Variants in OTUD7A observed in about 807,000 individuals in gnomAD.
OTUD7A encodes the protein OTU domain-containing protein 7A.
Under a neutral mutation model 65.7 loss-of-function variants are expected in OTUD7A, and 12 were observed. That is an observed-to-expected ratio of 0.18 (90% CI 0.12 to 0.30). The LOEUF (loss-of-function observed/expected upper bound fraction) is 0.30, where lower values mean the gene tolerates loss of function less well. Among genes scored for constraint, OTUD7A ranks in the 10% least tolerant of loss-of-function variants. The probability of loss-of-function intolerance (pLI) is 1.00; values close to 1 mark genes in which losing one functional copy is unlikely to be tolerated. For synonymous variants in OTUD7A, 641 were observed against 586.3 expected (o/e 1.09, Z -1.35); for missense variants, 1,148 against 1,304.8 (o/e 0.88, Z 1.85).
At chr15:31,735,708 G>A (rs72709339) in intron 1 of OTUD7A, among the ~76,000 whole-genome samples, 17,715 of 152,094 alleles carry the variant, frequency 0.12, 1,409 homozygotes, top group East Asian at 0.43. Flanking sequence ...CCCCATTACT[G>A]GGTATATACC....
chr15:31,652,536 C>A (rs1446824773), intron 3 of OTUD7A, among the ~76,000 whole-genome samples: 1 of 152,122 alleles, frequency 6.6e-6, no homozygotes, highest in East Asian at 1.9e-4. Flanking sequence ...TGTTAAGAGA[C>A]TGAAAAGTCA....
chr15:31,627,501 T>G (rs1257907359), intron 3 of OTUD7A, among the ~76,000 whole-genome samples: 1 of 152,054 alleles, frequency 6.6e-6, no homozygotes, highest in East Asian at 1.9e-4. Context: ...TGTTGGACAT[T>G]TGGGTTGGTT....
chr15:31,784,739 G>A (rs1895627768), intron 1 of OTUD7A, among the ~76,000 whole-genome samples: 1 of 152,184 alleles, frequency 6.6e-6, no homozygotes, highest in African/African-American at 2.4e-5. Context: ...AAGAGAAGGA[G>A]GGCATTCCAA....
chr15:31,567,916 AT>A (rs1888927770), intron 4 of OTUD7A, among the ~76,000 whole-genome samples: 1 of 152,272 alleles, frequency 6.6e-6, no homozygotes, highest in African/African-American at 2.4e-5. Flanking sequence ...GCAAGAGTGA[AT>A]GAGGTTTGGC....
chr15:31,679,735 T>A (rs1418808354), intron 1 of OTUD7A, among the ~76,000 whole-genome samples: 1 of 152,222 alleles, frequency 6.6e-6, no homozygotes, highest in African/African-American at 2.4e-5. Flanking sequence ...CTTTCCTTTA[T>A]AAATTACCCA....
chr15:31,727,133 C>T (rs1213197453), intron 1 of OTUD7A, among the ~76,000 whole-genome samples: 1 of 152,180 alleles, frequency 6.6e-6, no homozygotes, highest in Non-Finnish European at 1.5e-5. Context: ...AATCCATCAC[C>T]CCATCATGTC....
intron 3 of OTUD7A, among the ~76,000 whole-genome samples, chr15:31,616,088 T>A (rs1321583080): frequency 6.6e-6 from 1 of 152,236 alleles, no homozygotes; most frequent in Non-Finnish European, 1.5e-5. Context: ...GTGAAACCTC[T>A]TAGCTGCAGC....
rs567818246 is a variant in OTUD7A at position 31,842,803 on chromosome 15, T to C, written c.-100+27704A>G. ...ATGTCTCTCATGACTTAAGCCATAGTAGAACAGAAGAAAATCCCAAATCCA... is the reference window on the plus strand; with the variant it reads ...ATGTCTCTCATGACTTAAGCCATAGCAGAACAGAAGAAAATCCCAAATCCA... On this transcript the variant is annotated intron_variant, in intron 1 of 12. Coordinates refer to ENST00000307050, the MANE Select transcript of OTUD7A (RefSeq NM_001382637.1). Among the ~76,000 whole-genome samples, 150 of 152,266 alleles carry C rather than the reference T, an allele frequency of 9.9e-4. 2 individuals carry two copies. In the Middle Eastern group the frequency reaches 0.01, roughly 10 times the overall value.
intron 3 of OTUD7A, among the ~76,000 whole-genome samples, chr15:31,625,092 T>C (rs976625830): frequency 6.6e-6 from 1 of 152,216 alleles, no homozygotes; most frequent in African/African-American, 2.4e-5. Flanking sequence ...AGTCAACTGA[T>C]GCTTTACAAG....
chr15:31,529,977 C>T lies in OTUD7A; in HGVS notation c.652+730G>A, dbSNP rs535294319. On this transcript the variant is annotated intron_variant, in intron 6 of 12. Transcript: ENST00000307050. The stretch of plus-strand genomic sequence containing the variant: ...AATGGATTCAGCCTTGTGCATATAA[C>T]GCTGGGCCTAAAGGGATAACTGAGG... Among the ~76,000 whole-genome samples the T allele has an allele frequency of 2.0e-5, 3 of 152,304 alleles. No individual in the cohort carries two copies. In the South Asian group the frequency reaches 6.2e-4, roughly 32 times the overall value.
chr15:31,743,153 T>G (rs1176505466), intron 1 of OTUD7A, among the ~76,000 whole-genome samples: 1 of 152,042 alleles, frequency 6.6e-6, no homozygotes, highest in Non-Finnish European at 1.5e-5. Flanking sequence ...AATATAATTT[T>G]TTTCAAGTGC....
intron 1 of OTUD7A, among the ~76,000 whole-genome samples, chr15:31,788,277 C>A (rs1466995071): frequency 1.3e-5 from 2 of 152,132 alleles, no homozygotes; most frequent in Non-Finnish European, 2.9e-5. Flanking sequence ...TGCCAAAGGA[C>A]TCTTTGGGCT....
intron 1 of OTUD7A, among the ~76,000 whole-genome samples, chr15:31,774,354 G>A (rs569113156): frequency 1.3e-4 from 20 of 152,236 alleles, no homozygotes; most frequent in South Asian, 1.0e-3. Context: ...GCCTCCTGCC[G>A]GCTCTTCATG....
At chr15:31,709,293 C>A (rs1347358314) in intron 1 of OTUD7A, among the ~76,000 whole-genome samples, 1 of 152,166 alleles carries the variant, frequency 6.6e-6, no homozygotes, top group Non-Finnish European at 1.5e-5. Context: ...GGGGCATGAG[C>A]ACTCACAGGA....
chr15:31,597,957 G>GT (rs1043347811), intron 3 of OTUD7A, among the ~76,000 whole-genome samples: 1 of 152,128 alleles, frequency 6.6e-6, no homozygotes, highest in African/African-American at 2.4e-5. Context: ...GAACTTTCGA[G>GT]TTTTCAGACA....
intron 1 of OTUD7A, among the ~76,000 whole-genome samples, chr15:31,811,857 C>G (rs1372383661): frequency 2.0e-5 from 3 of 152,204 alleles, no homozygotes; most frequent in Non-Finnish European, 4.4e-5. Context: ...TCCTATCAGC[C>G]TTTCAGAGCT....
chr15:31,583,164 T>A lies in OTUD7A; in HGVS notation c.152-12967A>T, dbSNP rs117101187. On this transcript the variant is annotated intron_variant, in intron 3 of 12. Transcript: ENST00000307050. Reference sequence around the variant, plus strand: ...TCTGCACCACCACTGCCTTTCTCCATCCCTGCAGCACTGCAGGAGAGAAGC... The same window carrying A: ...TCTGCACCACCACTGCCTTTCTCCAACCCTGCAGCACTGCAGGAGAGAAGC... Among the ~76,000 whole-genome samples the A allele has an allele frequency of 8.0e-4, 122 of 152,334 alleles. No homozygotes were observed. The East Asian group carries it at 0.021, about 27-fold the overall frequency.
chr15:31,825,602 C>A (rs1896779482), intron 1 of OTUD7A, among the ~76,000 whole-genome samples: 1 of 152,118 alleles, frequency 6.6e-6, no homozygotes, highest in Non-Finnish European at 1.5e-5. Context: ...AATCTCATAT[C>A]CTCACATTTC....
intron 1 of OTUD7A, chr15:31,767,152 G>T: frequency 7.3e-7 from 1 of 1,369,346 alleles, no homozygotes; most frequent in Non-Finnish European, 1.0e-6. Flanking sequence ...CTGAGAAGGC[G>T]GCACTCAGTT....
Sources: allele counts gnomAD v4.1 joint callset (sites outside exome capture counted in the v4.1 genomes callset), GRCh38; gene constraint gnomAD v4.1.1; transcripts MANE v1.5; gene names NCBI Gene and HGNC (gene_info 2026-07-23, HGNC 2026-07-21).